Variants in SVIP observed in about 807,000 individuals in gnomAD.
The protein encoded by SVIP is small VCP interacting protein, also known as small VCP/p97-interacting protein.
SVIP carries 14 observed loss-of-function variants against 12.9 expected under a neutral mutation model. That is an observed-to-expected ratio of 1.08 (90% CI 0.72 to 1.70). The LOEUF (loss-of-function observed/expected upper bound fraction) is 1.70. Among genes scored for constraint, SVIP ranks in the 40% most tolerant of loss-of-function variants. SVIP has a pLI of 0.00. For missense variants in SVIP, 93 were observed against 90.8 expected (o/e 1.02, Z -0.10); for synonymous variants, 35 against 33.3 (o/e 1.05, Z -0.17).
rs773363501 is a variant in SVIP, at chr11:22,829,675, C to G, written c.54+20G>C. ...TGCTCAAGGCGCGGCCCGGCGGACG[C>G]AGGGACCTGCTCTACTCACCAGGTC... On this transcript the variant is annotated intron_variant, in intron 1 of 3. Transcript: ENST00000354193. 7.0e-6 allele frequency: 11 copies of G among 1,582,450 alleles called. No individual in the cohort carries two copies. The highest frequency in any genetic ancestry group is 9.4e-6 in the Non-Finnish European group (11 of 1,165,332).
chr11:22,828,726 T>C (rs532979815), intron 1 of SVIP, among the ~76,000 whole-genome samples: 89 of 152,164 alleles, frequency 5.8e-4, no homozygotes, highest in Non-Finnish European at 1.0e-3. Context: ...CAACTTAATT[T>C]AAAACAACAG....
chr11:22,828,794 G>C (rs1335532871), intron 1 of SVIP, among the ~76,000 whole-genome samples: 1 of 152,150 alleles, frequency 6.6e-6, no homozygotes, highest in African/African-American at 2.4e-5. Flanking sequence ...TAAATTTTTA[G>C]TATCTATAGT....
chr11:22,829,722 C>A lies in SVIP; in HGVS notation c.27G>T (p.Gly9=). 6.2e-7 allele frequency: 1 copy of A among 1,607,250 alleles called. No homozygotes were observed. Among genetic ancestry groups the A allele is most frequent in the Non-Finnish European group, 8.5e-7 (1 of 1,177,624 alleles). ...GGTCCGGCGTGGGAGGCGCGGACTC[C>A]CCGGGACAAGGAAAACACAGCCCCA... is the stretch of plus-strand genomic sequence containing the variant. The part of the protein sequence containing the change: MGLCFPCP[G]ESAPPTPDLE... Residue 9 remains glycine, a synonymous_variant, in exon 1 of 4, where the codon GGG becomes GGT. Coordinates refer to ENST00000354193, the MANE Select transcript of SVIP (RefSeq NM_148893.3).
In SVIP at chr11:22,827,806, C is replaced by T; in HGVS notation, c.105+18G>A. 1 of 1,567,644 alleles carries T rather than the reference C, an allele frequency of 6.4e-7. No homozygotes were observed. Among genetic ancestry groups the T allele is most frequent in the Non-Finnish European group, 8.6e-7 (1 of 1,158,428 alleles). ...AACTCAATTATCTAAGTAGGCAAAA[C>T]TTGATCTTTAATCTTACCTCTTTTT... On this transcript the variant is annotated intron_variant, in intron 2 of 3. Transcript: ENST00000354193.
At chr11:22,826,592 A>G (rs984866168) in intron 3 of SVIP, among the ~76,000 whole-genome samples, 3 of 152,118 alleles carry the variant, frequency 2.0e-5, no homozygotes, top group Non-Finnish European at 4.4e-5. Flanking sequence ...CTAGAGTGTA[A>G]AGACTCCAGC....
Position 22,829,794 on chromosome 11 carries a change from G to A in SVIP, c.-46C>T. On this transcript the variant is annotated 5_prime_UTR_variant, in exon 1 of 4. Coordinates refer to ENST00000354193, the MANE Select transcript of SVIP (RefSeq NM_148893.3). ...CCTGACCGGGTCCGGCCCAGGCCAG[G>A]CGGCGCTAACTGCGCGGTCCGGAGC... 6.4e-7 allele frequency: 1 copy of A among 1,560,438 alleles called. No individual in the cohort carries two copies. Among genetic ancestry groups the A allele is most frequent in the Non-Finnish European group, 8.7e-7 (1 of 1,150,920 alleles).
Position 22,824,455 on chromosome 11 carries a change from T to TAC in SVIP, c.220-1323_220-1322insGT, listed in dbSNP as rs1482269111. ...ATATATACACACACACATATATATA[T>TAC]ATATACACATATATATACGTATATA... is the stretch of plus-strand genomic sequence containing the variant. On this transcript the variant is annotated intron_variant, in intron 3 of 3. Transcript: ENST00000354193. Among the ~76,000 whole-genome samples the TAC allele has an allele frequency of 6.1e-5, 6 of 97,940 alleles. No homozygotes were observed. The South Asian group carries it at 1.2e-3, about 19-fold the overall frequency. 64.3% of individuals were successfully genotyped at this position (97,940 alleles called of 152,430 possible).
In SVIP at chr11:22,822,971, CG is replaced by C; in HGVS notation, c.*147del. ...GCCATTCTCTAAGCTTGAAAATCAA[CG>C]TTTTTTTAGCATTGCACTTAAGGGC... is the stretch of plus-strand genomic sequence containing the variant. On this transcript the variant is annotated 3_prime_UTR_variant, in exon 4 of 4. Transcript: ENST00000354193. The C allele has an allele frequency of 1.6e-6, 1 of 618,902 alleles. No individual in the cohort carries two copies. Among genetic ancestry groups the C allele is most frequent in the Non-Finnish European group, 2.6e-6 (1 of 381,754 alleles). The allele number at this position is 618,902 out of a possible 1,614,324, so 38.3% of individuals were successfully genotyped here.
In SVIP at chr11:22,829,390, C is replaced by T. The variant is rs1185122314; in HGVS notation, c.54+305G>A. On this transcript the variant is annotated intron_variant, in intron 1 of 3. Transcript: ENST00000354193. ...CCCCGGAATGTCCCACGCGTAACGC[C>T]CTCTGCGTGCGCCGGCGCCCTATGA... The T allele has an allele frequency of 4.2e-5, 14 of 329,922 alleles. No homozygotes were observed. In the East Asian group the frequency reaches 6.7e-4, roughly 16 times the overall value. 20.4% of individuals were successfully genotyped at this position (329,922 alleles called of 1,614,324 possible). A position where few individuals can be genotyped will look rare whatever the true frequency, so the allele number is the denominator to read the frequency against.
chr11:22,824,485 TGTATATATATAC>T (rs561466787), intron 3 of SVIP, among the ~76,000 whole-genome samples: 3,008 of 141,206 alleles, frequency 0.021, 43 homozygotes, highest in Middle Eastern at 0.049. Context: ...TATATATATA[TGTATATATATAC>T]GTATATATAT....
Position 22,823,067 on chromosome 11 carries a change from T to A in SVIP, c.*52A>T. On this transcript the variant is annotated 3_prime_UTR_variant, in exon 4 of 4. Transcript: ENST00000354193. ...AATTAAATTGATGAAGCCCACTTGA[T>A]TGCAGATAATAAACAGTTATTGGCA... is the stretch of plus-strand genomic sequence containing the variant. 2 of 1,475,900 alleles carry A rather than the reference T, an allele frequency of 1.4e-6. No individual in the cohort carries two copies. Among genetic ancestry groups the A allele is most frequent in the South Asian group, 2.5e-5 (2 of 81,046 alleles). 91.4% of individuals were successfully genotyped at this position (1,475,900 alleles called of 1,614,324 possible). A position where few individuals can be genotyped will look rare whatever the true frequency, so the allele number is the denominator to read the frequency against.
chr11:22,828,460 C>G (rs1345227697), intron 1 of SVIP, among the ~76,000 whole-genome samples: 2 of 152,076 alleles, frequency 1.3e-5, no homozygotes, highest in African/African-American at 2.4e-5. Flanking sequence ...ATTCCAATTG[C>G]GGGCGCACAG....
Position 22,827,346 on chromosome 11 carries a change from A to C in SVIP, c.106-26T>G, listed in dbSNP as rs772421679. 5.1e-6 allele frequency: 8 copies of C among 1,569,146 alleles called. No homozygotes were observed. In the East Asian group the frequency reaches 1.6e-4, roughly 31 times the overall value. On this transcript the variant is annotated intron_variant, in intron 2 of 3. Coordinates refer to ENST00000354193, the MANE Select transcript of SVIP (RefSeq NM_148893.3). ...CTTGAAGAAATTTGATAAGAAAAAC[A>C]GAAAGACAACAAAAATCTGTCCAGT...
intron 1 of SVIP, among the ~76,000 whole-genome samples, chr11:22,828,580 A>C (rs1489080417): frequency 6.6e-6 from 1 of 152,174 alleles, no homozygotes; most frequent in Non-Finnish European, 1.5e-5. Context: ...GTGGTCAGCA[A>C]AAGCTTCACT....
chr11:22,824,728 G>A lies in SVIP; in HGVS notation c.220-1595C>T, dbSNP rs571573543. Among the ~76,000 whole-genome samples, 4 of 152,088 alleles carry A rather than the reference G, an allele frequency of 2.6e-5. No individual in the cohort carries two copies. The East Asian group carries it at 7.8e-4, about 30-fold the overall frequency. On this transcript the variant is annotated intron_variant, in intron 3 of 3. Coordinates refer to ENST00000354193, the MANE Select transcript of SVIP (RefSeq NM_148893.3). ...TTCCAAAACATCTCTCTTAGGACAA[G>A]TGTTATAAACGCTAGGATAGTGATT...
chr11:22,829,628 C>T, intron 1 of SVIP, 67 bp downstream of exon 1: 1 of 1,491,456 alleles, frequency 6.7e-7, no homozygotes, highest in Admixed American at 2.0e-5. Context: ...TGGCTCGGCC[C>T]GCCCCGCAAC....
chr11:22,827,419 G>C (rs968923478), intron 2 of SVIP, 99 bp from the exon 3 acceptor site: 3 of 956,188 alleles, frequency 3.1e-6, no homozygotes, highest in Admixed American at 2.6e-5. Context: ...TTTTTCTTTG[G>C]GGGTAGGGAG....
intron 1 of SVIP, 62 bp downstream of exon 1, chr11:22,829,633 C>T (rs955965832): frequency 2.0e-6 from 3 of 1,510,386 alleles, no homozygotes; most frequent in South Asian, 1.2e-5. Context: ...CGGCCCGCCC[C>T]GCAACCCGAG....
rs888361622 is a variant in SVIP at position 22,827,200 on chromosome 11, T to C, written c.219+7A>G. 1.2e-6 allele frequency: 2 copies of C among 1,600,968 alleles called. No homozygotes were observed. Among genetic ancestry groups the C allele is most frequent in the Non-Finnish European group, 1.7e-6 (2 of 1,171,534 alleles). ...AAGTTAATCACTAAGAAAATTTTAA[T>C]ACTTACCCTAAGTCCACCTTCTGGT... On this transcript the variant is annotated splice_region_variant and intron_variant, in intron 3 of 3. Coordinates refer to ENST00000354193, the MANE Select transcript of SVIP (RefSeq NM_148893.3).
Sources: gnomAD v4.1 joint callset for allele counts (sites outside exome capture counted in the v4.1 genomes callset) on GRCh38, gnomAD v4.1.1 for gene constraint, MANE v1.5 for transcripts, NCBI Gene and HGNC (gene_info 2026-07-23, HGNC 2026-07-21) for gene names.